The following CNTNAP2 variants were observed in gnomAD, a reference collection of about 807,000 sequenced individuals.
The protein encoded by CNTNAP2 is contactin associated protein 2.
In CNTNAP2, 98 loss-of-function variants were observed where a neutral mutation model predicts 155.2. The observed-to-expected ratio is 0.63, with a 90% CI of 0.54 to 0.75. The LOEUF is 0.75. CNTNAP2 is among the 30% of genes least tolerant of loss of function. The pLI is 0.00. For missense variants in CNTNAP2, 1,727 were observed against 1,688.1 expected (o/e 1.02, Z -0.40); for synonymous variants, 651 against 631.2 (o/e 1.03, Z -0.47).
At chr7:146,118,633 G>A (rs1033366534) in intron 1 of CNTNAP2, among the ~76,000 whole-genome samples, 7 of 152,010 alleles carry the variant, frequency 4.6e-5, no homozygotes, top group South Asian at 2.1e-4. Flanking sequence ...TAATTTTGAT[G>A]GGTCCATCTG....
At chr7:146,351,088 G>A (rs1173746198) in intron 1 of CNTNAP2, among the ~76,000 whole-genome samples, 1 of 150,938 alleles carries the variant, frequency 6.6e-6, no homozygotes, top group African/African-American at 2.4e-5. Flanking sequence ...TAAATGATGA[G>A]TTAATGGGTG....
At chr7:148,295,821 G>A (rs1797272970) in intron 21 of CNTNAP2, among the ~76,000 whole-genome samples, 1 of 149,972 alleles carries the variant, frequency 6.7e-6, no homozygotes, top group Non-Finnish European at 1.5e-5. Context: ...CCCAAAAGAG[G>A]ATAAAAGAGG....
chr7:147,297,959 A>T (rs1364558221), intron 8 of CNTNAP2, among the ~76,000 whole-genome samples: 1 of 152,232 alleles, frequency 6.6e-6, no homozygotes, highest in South Asian at 2.1e-4. Context: ...GCTGGATCAT[A>T]TGGTAGACCA....
intron 14 of CNTNAP2, among the ~76,000 whole-genome samples, chr7:147,940,690 A>G (rs1435476943): frequency 1.3e-5 from 2 of 152,032 alleles, no homozygotes; most frequent in African/African-American, 2.4e-5. Context: ...AAGCGCCATC[A>G]CACCTGGCTA....
chr7:146,779,023 A>G (rs775566262), intron 2 of CNTNAP2, among the ~76,000 whole-genome samples: 8 of 152,146 alleles, frequency 5.3e-5, no homozygotes, highest in Admixed American at 1.3e-4. Flanking sequence ...AACTAGAGAG[A>G]AGAGGAGAGC....
chr7:148,351,857 C>G (rs1363337490), intron 21 of CNTNAP2, among the ~76,000 whole-genome samples: 1 of 151,836 alleles, frequency 6.6e-6, no homozygotes, highest in East Asian at 1.9e-4. Context: ...TGAGATAGCT[C>G]TGCAATATTT....
At chr7:147,407,807 A>T (rs572043462) in intron 10 of CNTNAP2, among the ~76,000 whole-genome samples, 3 of 152,362 alleles carry the variant, frequency 2.0e-5, no homozygotes, top group Admixed American at 2.0e-4. Flanking sequence ...TGGTTAATGA[A>T]AACCGCATAA....
chr7:146,558,665 C>T (rs544847438), intron 1 of CNTNAP2, among the ~76,000 whole-genome samples: 46 of 152,118 alleles, frequency 3.0e-4, no homozygotes, highest in African/African-American at 1.1e-3. Context: ...CACACAGCAC[C>T]GTATTGTTAA....
At chr7:147,524,630 A>G (rs529381226) in intron 11 of CNTNAP2, among the ~76,000 whole-genome samples, 77 of 152,286 alleles carry the variant, frequency 5.1e-4, no homozygotes, top group African/African-American at 1.7e-3. Flanking sequence ...AGCACACCCA[A>G]TGCAACATGC....
intron 3 of CNTNAP2, among the ~76,000 whole-genome samples, chr7:146,917,751 GA>G (rs2129219009): frequency 6.6e-6 from 1 of 152,190 alleles, no homozygotes; most frequent in Non-Finnish European, 1.5e-5. Flanking sequence ...TTATAAAAGG[GA>G]GTTTTCCTGT....
intron 13 of CNTNAP2, among the ~76,000 whole-genome samples, chr7:147,783,654 C>T (rs879735260): frequency 1.3e-5 from 2 of 152,190 alleles, no homozygotes; most frequent in Admixed American, 1.3e-4. Context: ...AAAATCTTAA[C>T]ATTCAATGTG....
chr7:147,464,978 T>A (rs2373135), intron 10 of CNTNAP2, among the ~76,000 whole-genome samples: 118,480 of 151,712 alleles, frequency 0.78, 46,621 homozygotes, highest in African/African-American at 0.88. Flanking sequence ...TATGCAGCCA[T>A]AAAAAGAGTA....
At chr7:147,788,533 C>T (rs1797771409) in intron 13 of CNTNAP2, among the ~76,000 whole-genome samples, 1 of 152,166 alleles carries the variant, frequency 6.6e-6, no homozygotes, top group African/African-American at 2.4e-5. Flanking sequence ...CAAAGTCATG[C>T]CAGAATATCT....
At chr7:146,219,247 G>C (rs1023421820) in intron 1 of CNTNAP2, among the ~76,000 whole-genome samples, 4 of 152,154 alleles carry the variant, frequency 2.6e-5, no homozygotes, top group Non-Finnish European at 5.9e-5. Context: ...TACAATTTGA[G>C]ATGAGATTTG....
intron 18 of CNTNAP2, among the ~76,000 whole-genome samples, chr7:148,197,983 T>C (rs34618925): frequency 0.099 from 15,052 of 152,286 alleles, 945 homozygotes; most frequent in Middle Eastern, 0.16. Flanking sequence ...GCTAAAAGGT[T>C]ATTTCCATCT....
intron 4 of CNTNAP2, among the ~76,000 whole-genome samples, chr7:147,072,627 GA>G (rs1799914945): frequency 1.3e-5 from 2 of 152,102 alleles, no homozygotes. Flanking sequence ...AAAATCTACA[GA>G]ACTTGGTTGT....
chr7:147,522,399 A>C (rs1799243619), intron 11 of CNTNAP2, among the ~76,000 whole-genome samples: 1 of 152,238 alleles, frequency 6.6e-6, no homozygotes, highest in Non-Finnish European at 1.5e-5. Context: ...GGAACAGAAA[A>C]TGAATGAATT....
At chr7:146,896,856 T>A (rs968028772) in intron 3 of CNTNAP2, among the ~76,000 whole-genome samples, 1 of 152,100 alleles carries the variant, frequency 6.6e-6, no homozygotes, top group African/African-American at 2.4e-5. Flanking sequence ...ATATAAAATA[T>A]TTTTAATGAT....
chr7:146,755,286 A>G (rs929424452), intron 1 of CNTNAP2, among the ~76,000 whole-genome samples: 4 of 152,054 alleles, frequency 2.6e-5, no homozygotes, highest in African/African-American at 9.6e-5. Flanking sequence ...TCTGCAATCT[A>G]TAGGAAATTA....
Sources: gnomAD v4.1 joint callset for allele counts (sites outside exome capture counted in the v4.1 genomes callset) on GRCh38, gnomAD v4.1.1 for gene constraint, MANE v1.5 for transcripts, NCBI Gene and HGNC (gene_info 2026-07-23, HGNC 2026-07-21) for gene names.